Variants in COG2 observed in about 807,000 individuals in gnomAD.
COG2 encodes conserved oligomeric Golgi complex subunit 2.
A neutral mutation model predicts 90.6 loss-of-function variants in COG2; 52 were observed. The observed-to-expected ratio is 0.57, with a 90% CI of 0.46 to 0.72. The LOEUF (loss-of-function observed/expected upper bound fraction) is 0.72, where lower values mean the gene tolerates loss of function less well. COG2 is among the 30% of genes least tolerant of loss of function. The probability of loss-of-function intolerance (pLI) is 0.00; values close to 1 mark genes in which losing one functional copy is unlikely to be tolerated. For synonymous variants in COG2, 337 were observed against 320.4 expected (o/e 1.05, Z -0.55); for missense variants, 829 against 891.2 (o/e 0.93, Z 0.89).
rs955603291 is a variant in COG2 at position 230,688,524 on chromosome 1, G to T, written c.1756G>T (p.Ala586Ser). 2 of 1,614,090 alleles carry T rather than the reference G, an allele frequency of 1.2e-6. No individual in the cohort carries two copies. The highest frequency in any genetic ancestry group is 1.7e-6 in the Non-Finnish European group (2 of 1,180,014). Reference sequence around the variant, plus strand: ...CTCTTGCTTCGGTTTCCTAAAAAGCGCCCTGGAGGTTCCCAGGCTTTACCG... The same window carrying T: ...CTCTTGCTTCGGTTTCCTAAAAAGCTCCCTGGAGGTTCCCAGGCTTTACCG... Reference protein sequence around the residue: ...SDSCFGFLKSALEVPRLYRRT... With the variant: ...SDSCFGFLKSSLEVPRLYRRT... The change falls in exon 15 of 18, where the codon GCC becomes TCC. Residue 586 changes from alanine (A) to serine (S), a missense_variant. Ala to Ser is a moderately conservative substitution (Grantham distance 99, BLOSUM62 1). Coordinates refer to ENST00000366669, the MANE Select transcript of COG2 (RefSeq NM_007357.3).
At chr1:230,666,997 C>A in intron 5 of COG2, among the ~76,000 whole-genome samples, 1 of 152,186 alleles carries the variant, frequency 6.6e-6, no homozygotes, top group East Asian at 1.9e-4. Flanking sequence ...AATTACAAGA[C>A]CACCTCTTTT....
rs180879143 is a variant in COG2 at position 230,658,290 on chromosome 1, T to C, written c.73-1174T>C. The stretch of plus-strand genomic sequence containing the variant: ...TATTCCTTTCTGTTTGTTAGTTTTC[T>C]TTCTGACAGTCAGGCCCCTCTGCTG... On this transcript the variant is annotated intron_variant, in intron 1 of 17. Coordinates refer to ENST00000366669, the MANE Select transcript of COG2 (RefSeq NM_007357.3). Among the ~76,000 whole-genome samples the C allele has an allele frequency of 3.3e-3, 499 of 152,318 alleles. 4 individuals are homozygous for C. Among genetic ancestry groups the C allele is most frequent in the African/African-American group, 0.011 (438 of 41,584 alleles).
Position 230,668,791 on chromosome 1 carries a change from G to A in COG2, c.594+7G>A. 6.4e-7 allele frequency: 1 copy of A among 1,558,770 alleles called. No individual in the cohort carries two copies. Among genetic ancestry groups the A allele is most frequent in the Non-Finnish European group, 8.8e-7 (1 of 1,136,934 alleles). On this transcript the variant is annotated splice_region_variant and intron_variant, in intron 6 of 17. Coordinates refer to ENST00000366669, the MANE Select transcript of COG2 (RefSeq NM_007357.3). ...TTTGGACAAAGTAAGACCGGTAAGT[G>A]TTGTTTTGGATTTCCACAGTTTGGT...
chr1:230,683,701 C>T, intron 11 of COG2, 66 bp downstream of exon 11: 1 of 1,050,764 alleles, frequency 9.5e-7, no homozygotes, highest in South Asian at 1.3e-5. Context: ...ACCAAGTCAT[C>T]TGGATTGCAG....
chr1:230,677,972 A>T, intron 9 of COG2: 1 of 973,458 alleles, frequency 1.0e-6, no homozygotes, highest in Non-Finnish European at 1.2e-6. Context: ...ACCCTCTGGG[A>T]TAACATAAGT....
At position 230,642,522 on chromosome 1, in the gene COG2, G is replaced by GGA. The variant is rs1661644322; in HGVS notation, c.-84_-83insAG. On this transcript the variant is annotated 5_prime_UTR_variant, in exon 1 of 18. The change abolishes the stop of an existing upstream ORF in the 5' untranslated region. Transcript: ENST00000366669. ...ACCCCCCTGTGCCGTGGAAACTGGC[G>GGA]GTGGCCGCGGCCGCCGAGTCGGTCT... The GGA allele has an allele frequency of 1.4e-6, 2 of 1,383,286 alleles. No homozygotes were observed. Among genetic ancestry groups the GGA allele is most frequent in the South Asian group, 2.6e-5 (2 of 78,252 alleles). The allele number at this position is 1,383,286 out of a possible 1,614,324, so 85.7% of individuals were successfully genotyped here. A position where few individuals can be genotyped will look rare whatever the true frequency, so the allele number is the denominator to read the frequency against.
intron 9 of COG2, among the ~76,000 whole-genome samples, chr1:230,675,783 T>A (rs1662576328): frequency 6.6e-6 from 1 of 152,080 alleles, no homozygotes; most frequent in Non-Finnish European, 1.5e-5. Context: ...GTAGCTGGGA[T>A]TTCAGGCGCA....
Position 230,693,420 on chromosome 1 carries a change from T to A in COG2, c.*27T>A. The A allele has an allele frequency of 2.1e-6, 3 of 1,458,744 alleles. No homozygotes were observed. The allele number at this position is 1,458,744 out of a possible 1,614,324, so 90.4% of individuals were successfully genotyped here. On this transcript the variant is annotated 3_prime_UTR_variant, in exon 18 of 18. Transcript: ENST00000366669. ...CATCTTGGAAGATCCCGAGGTTAGA[T>A]TCTTAAGCAAGAGAAGAGTTGGACT...
rs572420094 is a variant in COG2, at chr1:230,642,785, G to T, written c.72+107G>T. On this transcript the variant is annotated intron_variant, in intron 1 of 17. Coordinates refer to ENST00000366669, the MANE Select transcript of COG2 (RefSeq NM_007357.3). Reference sequence around the variant, plus strand: ...CTGCTCCTGCCTGCGCACGCTCAGTGTCAGGTCCTCCGCCGAGACCTCGCT... The same window carrying T: ...CTGCTCCTGCCTGCGCACGCTCAGTTTCAGGTCCTCCGCCGAGACCTCGCT... 5.5e-5 allele frequency: 60 copies of T among 1,089,140 alleles called. No individual in the cohort carries two copies. In the East Asian group the frequency reaches 1.3e-3, roughly 24 times the overall value. 67.5% of individuals were successfully genotyped at this position (1,089,140 alleles called of 1,614,324 possible). A position where few individuals can be genotyped will look rare whatever the true frequency, so the allele number is the denominator to read the frequency against.
In COG2 at chr1:230,687,724, T is replaced by C. The variant is rs115656363; in HGVS notation, c.1579-347T>C. 3.9e-3 allele frequency among the ~76,000 whole-genome samples: 593 copies of C among 152,364 alleles called. 5 individuals carry two copies. Among genetic ancestry groups the C allele is most frequent in the African/African-American group, 0.014 (565 of 41,596 alleles). ...CTCAAGTTTAGATATTTTGTGGTGC[T>C]TGAATAAATACTGTTTTGAATTTTA... On this transcript the variant is annotated intron_variant, in intron 13 of 17. Transcript: ENST00000366669.
chr1:230,688,062 T>G lies in COG2; in HGVS notation c.1579-9T>G. 1 of 1,575,326 alleles carries G rather than the reference T, an allele frequency of 6.3e-7. No homozygotes were observed. The highest frequency in any genetic ancestry group is 2.3e-5 in the East Asian group (1 of 44,102). On this transcript the variant is annotated splice_polypyrimidine_tract_variant and intron_variant, in intron 13 of 17. Transcript: ENST00000366669. Reference sequence around the variant, plus strand: ...GTAACTGAATATATAAAGTGCATATTTATTTCAGCTTCCAGAACTCTTGGA... The same window carrying G: ...GTAACTGAATATATAAAGTGCATATGTATTTCAGCTTCCAGAACTCTTGGA...
intron 16 of COG2, 130 bp from the exon 17 acceptor site, chr1:230,691,254 G>A (rs935876112): frequency 8.2e-5 from 53 of 648,680 alleles, no homozygotes; most frequent in Admixed American, 2.1e-4. Flanking sequence ...AATACTTACC[G>A]TGGTTGAATT....
At chr1:230,688,339 TA>T in intron 14 of COG2, 80 bp from the exon 15 acceptor site, 1 of 1,505,180 alleles carries the variant, frequency 6.6e-7, no homozygotes, top group Non-Finnish European at 9.2e-7. Context: ...GTACACAATG[TA>T]AATGCTGTGA....
chr1:230,679,982 A>G (rs1662700176), intron 10 of COG2: 1 of 152,212 alleles, frequency 6.6e-6, no homozygotes, highest in Non-Finnish European at 1.5e-5. Flanking sequence ...TAATGAAATC[A>G]CAGTTCTCAG....
At position 230,678,483 on chromosome 1, in the gene COG2, G is replaced by C. The variant is rs944601173; in HGVS notation, c.1027-430G>C. 10 of 985,116 alleles carry C rather than the reference G, an allele frequency of 1.0e-5. No homozygotes were observed. In the African/African-American group the frequency reaches 1.4e-4, roughly 14 times the overall value. 61.0% of individuals were successfully genotyped at this position (985,116 alleles called of 1,614,324 possible). A position where few individuals can be genotyped will look rare whatever the true frequency, so the allele number is the denominator to read the frequency against. On this transcript the variant is annotated intron_variant, in intron 9 of 17. Coordinates refer to ENST00000366669, the MANE Select transcript of COG2 (RefSeq NM_007357.3). ...ATGCTATCTTATTTATAAAAATGAA[G>C]TGAATACTCACATGGTTTGATTCTT...
chr1:230,671,467 G>T, intron 7 of COG2, 49 bp from the exon 8 acceptor site: 1 of 1,542,886 alleles, frequency 6.5e-7, no homozygotes, highest in African/African-American at 1.4e-5. Flanking sequence ...TAGATCGTTT[G>T]TACTTCCCTT....
chr1:230,643,696 A>G (rs772120060), intron 1 of COG2, among the ~76,000 whole-genome samples: 4 of 152,068 alleles, frequency 2.6e-5, no homozygotes, highest in Admixed American at 6.6e-5. Context: ...CAGTGTGACC[A>G]TATCATTTTT....
chr1:230,658,012 A>C (rs1265549602), intron 1 of COG2, among the ~76,000 whole-genome samples: 1 of 152,106 alleles, frequency 6.6e-6, no homozygotes, highest in Non-Finnish European at 1.5e-5. Flanking sequence ...GGGTTAGAAC[A>C]TGCTCGTTTA....
intron 16 of COG2, among the ~76,000 whole-genome samples, chr1:230,690,744 TTTAC>T (rs1438067188): frequency 2.0e-5 from 3 of 152,238 alleles, no homozygotes; most frequent in Non-Finnish European, 4.4e-5. Flanking sequence ...TAATATTTTA[TTTAC>T]TTAAGATTTA....
Sources: allele counts gnomAD v4.1 joint callset (sites outside exome capture counted in the v4.1 genomes callset), GRCh38; gene constraint gnomAD v4.1.1; transcripts MANE v1.5; gene names NCBI Gene and HGNC (gene_info 2026-07-23, HGNC 2026-07-21).